Variants in CXADR observed in about 807,000 individuals in gnomAD.
The protein encoded by CXADR is coxsackievirus and adenovirus receptor.
In CXADR, 20 loss-of-function variants were observed where a neutral mutation model predicts 40.3. The ratio of observed to expected loss-of-function variants is 0.50; its 90% CI spans 0.35 to 0.72. CXADR has a LOEUF of 0.72. Ranked by LOEUF, CXADR falls within the 30% of genes least tolerant of loss-of-function variation. The probability of loss-of-function intolerance (pLI) is 0.01; values close to 1 mark genes in which losing one functional copy is unlikely to be tolerated. For missense variants in CXADR, 332 were observed against 449.1 expected, an observed-to-expected ratio of 0.74 and a Z score of 2.36; for synonymous variants, 150 against 161.3, an observed-to-expected ratio of 0.93 and a Z score of 0.53.
At chr21:17,602,512 C>T in the CXADR span, among the ~76,000 whole-genome samples, 1 of 152,066 alleles carries the variant, frequency 6.6e-6, no homozygotes, top group African/African-American at 2.4e-5. Flanking sequence ...TTCTCAATGT[C>T]TTTTTCTTCT....
chr21:17,550,167 C>T (rs1894529230), intron 2 of CXADR, among the ~76,000 whole-genome samples: 1 of 151,964 alleles, frequency 6.6e-6, no homozygotes, highest in Non-Finnish European at 1.5e-5. Context: ...CCAACCAGGC[C>T]AATGTGGTGA....
downstream of CXADR, among the ~76,000 whole-genome samples, chr21:17,572,125 G>A (rs561676678): frequency 4.2e-4 from 63 of 151,662 alleles, no homozygotes; most frequent in African/African-American, 1.3e-3. Context: ...ACTTTGGGAC[G>A]CCAAGGCAGG....
chr21:17,587,548 G>T (rs540408331), intron 7 of CXADR, among the ~76,000 whole-genome samples: 26 of 152,316 alleles, frequency 1.7e-4, no homozygotes, highest in African/African-American at 6.0e-4. Flanking sequence ...CTTTTGAGAA[G>T]TGTCTGTTCA....
At chr21:17,629,361 CAGAG>C in the CXADR span, among the ~76,000 whole-genome samples, 3 of 115,020 alleles carry the variant, frequency 2.6e-5, no homozygotes, top group Non-Finnish European at 3.4e-5. Flanking sequence ...GCCTGGGCGA[CAGAG>C]AGAGAGAGAG....
At chr21:17,551,662 C>A in intron 2 of CXADR, 87 bp from the exon 3 acceptor site, 1 of 1,134,242 alleles carries the variant, frequency 8.8e-7, no homozygotes, top group Non-Finnish European at 1.3e-6. Context: ...CGTTCTGTAG[C>A]AGCAGGTGTA....
At chr21:17,600,651 T>A in the CXADR span, among the ~76,000 whole-genome samples, 1 of 151,720 alleles carries the variant, frequency 6.6e-6, no homozygotes, top group Middle Eastern at 3.4e-3. Flanking sequence ...TGAGACCCTG[T>A]CTCTCAAAAA....
At chr21:17,626,945 C>A in the CXADR span, 2 of 152,194 alleles carry the variant, frequency 1.3e-5, no homozygotes, top group Non-Finnish European at 2.9e-5. Context: ...CCATGTCACA[C>A]AACACGGTGG....
chr21:17,586,091 C>T (rs2061393708), intron 7 of CXADR, among the ~76,000 whole-genome samples: 1 of 152,012 alleles, frequency 6.6e-6, no homozygotes, highest in Non-Finnish European at 1.5e-5. Flanking sequence ...TTTTTATAGG[C>T]GATTTATTCC....
chr21:17,563,940 C>CATAAAAAAAAAAAAAAA (rs2061161985), intron 6 of CXADR, among the ~76,000 whole-genome samples: 1 of 37,222 alleles, frequency 2.7e-5, no homozygotes, highest in Non-Finnish European at 5.7e-5. Context: ...GACTCTGTCT[C>CATAAAAAAAAAAAAAAA]AAAAAAAAAA....
the CXADR span, chr21:17,626,828 G>A: frequency 6.6e-6 from 1 of 152,150 alleles, no homozygotes; most frequent in Non-Finnish European, 1.5e-5. Flanking sequence ...AGGTAAAGAA[G>A]CCATAATATT....
chr21:17,624,849 G>A, the CXADR span, among the ~76,000 whole-genome samples: 2 of 152,032 alleles, frequency 1.3e-5, no homozygotes, highest in East Asian at 3.9e-4. Flanking sequence ...GGTTAATTAC[G>A]AAGCTCATTA....
chr21:17,534,688 A>C (rs919933454), intron 1 of CXADR, among the ~76,000 whole-genome samples: 1 of 152,078 alleles, frequency 6.6e-6, no homozygotes, highest in Non-Finnish European at 1.5e-5. Flanking sequence ...ACAAAATTAC[A>C]CTTGTCTTTA....
the CXADR span, among the ~76,000 whole-genome samples, chr21:17,624,030 C>A: frequency 6.6e-6 from 1 of 152,086 alleles, no homozygotes; most frequent in Non-Finnish European, 1.5e-5. Flanking sequence ...ATCCTTTTAT[C>A]GTGTAAGGCT....
At chr21:17,603,635 T>C in the CXADR span, among the ~76,000 whole-genome samples, 1 of 152,154 alleles carries the variant, frequency 6.6e-6, no homozygotes, top group Non-Finnish European at 1.5e-5. Flanking sequence ...GTCAGGTGAA[T>C]TGTACCTCAA....
chr21:17,620,197 C>T, the CXADR span, among the ~76,000 whole-genome samples: 2 of 152,208 alleles, frequency 1.3e-5, no homozygotes, highest in Non-Finnish European at 2.9e-5. Flanking sequence ...TAAACTTAAT[C>T]ATCTCTAGCT....
At chr21:17,608,836 A>G in the CXADR span, 1 of 852,522 alleles carries the variant, frequency 1.2e-6, no homozygotes, top group Non-Finnish European at 1.7e-6. Context: ...TAAGGAGAAA[A>G]TATACAAACA....
In CXADR at chr21:17,568,159, C is replaced by G. The variant is rs1391755265; in HGVS notation, c.*2467C>G. 3.5e-5 allele frequency: 33 copies of G among 953,748 alleles called. No individual in the cohort carries two copies. Among genetic ancestry groups the G allele is most frequent in the Middle Eastern group, 5.6e-4 (1 of 1,770 alleles). 59.1% of individuals were successfully genotyped at this position (953,748 alleles called of 1,614,324 possible). On this transcript the variant is annotated 3_prime_UTR_variant, in exon 7 of 7. Transcript: ENST00000284878. Reference sequence around the variant, plus strand: ...TTTTTTTTTTTTTAAGACGGAGTCTCGGTCTGTCACCCAGGCTGGAGTGCA... The same window carrying G: ...TTTTTTTTTTTTTAAGACGGAGTCTGGGTCTGTCACCCAGGCTGGAGTGCA...
At chr21:17,556,259 T>G (rs1264686366) in intron 3 of CXADR, among the ~76,000 whole-genome samples, 1 of 152,176 alleles carries the variant, frequency 6.6e-6, no homozygotes, top group Non-Finnish European at 1.5e-5. Flanking sequence ...TTCCTCGTAG[T>G]GTAATGGTTG....
chr21:17,513,235 C>T, intron 1 of CXADR, 63 bp downstream of exon 1: 1 of 1,324,362 alleles, frequency 7.6e-7, no homozygotes, highest in Non-Finnish European at 9.7e-7. Flanking sequence ...TGCCCGCGGC[C>T]ACCCAGGAAC....
Sources: allele counts gnomAD v4.1 joint callset (sites outside exome capture counted in the v4.1 genomes callset), GRCh38; gene constraint gnomAD v4.1.1; transcripts MANE v1.5; gene names NCBI Gene and HGNC (gene_info 2026-07-23, HGNC 2026-07-21).